Variants in LAMA2 observed in about 807,000 individuals in gnomAD.
LAMA2 encodes laminin subunit alpha 2, also known as laminin subunit alpha-2.
In LAMA2, 269 loss-of-function variants were observed where a neutral mutation model predicts 364.8. The observed-to-expected ratio is 0.74, with a 90% confidence interval of 0.67 to 0.82. The LOEUF is 0.82. Among genes scored for constraint, LAMA2 ranks in the 40% least tolerant of loss-of-function variants. The pLI is 0.00. For missense variants in LAMA2, 3,807 were observed against 3,873.2 expected (o/e 0.98, Z 0.45); for synonymous variants, 1,379 against 1,370.6 (o/e 1.01, Z -0.14).
intron 1 of LAMA2, among the ~76,000 whole-genome samples, chr6:129,015,913 G>A (rs1004153338): frequency 6.6e-6 from 1 of 151,872 alleles, no homozygotes; most frequent in Admixed American, 6.6e-5. Flanking sequence ...GCATCCAACC[G>A]AGAAAAACCA....
chr6:129,204,213 G>A (rs576860242), intron 12 of LAMA2, among the ~76,000 whole-genome samples: 83 of 152,262 alleles, frequency 5.5e-4, no homozygotes, highest in African/African-American at 1.8e-3. Context: ...TGAAATACCC[G>A]CAGAGTGTTT....
rs527681637 is a variant in LAMA2 at position 129,320,660 on chromosome 6, G to T, written c.4176+5G>T. 6.7e-7 allele frequency: 1 copy of T among 1,496,426 alleles called. No homozygotes were observed. Among genetic ancestry groups the T allele is most frequent in the Middle Eastern group, 1.7e-4 (1 of 5,856 alleles). The allele number at this position is 1,496,426 out of a possible 1,614,324, so 92.7% of individuals were successfully genotyped here. A position where few individuals can be genotyped will look rare whatever the true frequency, so the allele number is the denominator to read the frequency against. The stretch of plus-strand genomic sequence containing the variant: ...TATTCTGGCCTGTCCTGTGAGGTAA[G>T]CTACCTCCTACTAACCTGCTTAATC... On this transcript the variant is annotated splice_donor_5th_base_variant and intron_variant, in intron 28 of 64. Transcript: ENST00000421865.
Position 129,448,279 on chromosome 6 carries a change from T to TC in LAMA2, c.6429+2466dup, listed in dbSNP as rs201985406. 5.4e-4 allele frequency among the ~76,000 whole-genome samples: 78 copies of TC among 144,548 alleles called. No individual in the cohort carries two copies. The Middle Eastern group carries it at 0.01, about 19-fold the overall frequency. The allele number at this position is 144,548 out of a possible 152,430, so 94.8% of individuals were successfully genotyped here. On this transcript the variant is annotated intron_variant, in intron 45 of 64. Transcript: ENST00000421865. ...GCCTGGGTGGCAAATAGAAACCCTG[T>TC]CCCCCCCCAAAAAAAAAGAGAAGAA...
intron 1 of LAMA2, among the ~76,000 whole-genome samples, chr6:128,945,311 T>C (rs1562857614): frequency 1.3e-5 from 2 of 152,224 alleles, no homozygotes; most frequent in Admixed American, 6.5e-5. Context: ...AAGATGCATT[T>C]GTTGTACCAA....
chr6:129,032,070 G>A (rs970704056), intron 1 of LAMA2, among the ~76,000 whole-genome samples: 3 of 152,050 alleles, frequency 2.0e-5, no homozygotes, highest in African/African-American at 7.2e-5. Context: ...CTCCTGCCTC[G>A]GCCTCCCAAA....
At chr6:129,350,028 A>G (rs1776771211) in intron 31 of LAMA2, among the ~76,000 whole-genome samples, 1 of 152,216 alleles carries the variant, frequency 6.6e-6, no homozygotes, top group African/African-American at 2.4e-5. Context: ...TGGTAAATTA[A>G]GGAGTACAGT....
At chr6:129,389,210 G>A (rs537213911) in intron 35 of LAMA2, among the ~76,000 whole-genome samples, 9 of 152,284 alleles carry the variant, frequency 5.9e-5, no homozygotes, top group South Asian at 4.2e-4. Context: ...CACAGGGCTA[G>A]GAATGGCCAT....
At chr6:129,286,436 G>A (rs1180273806) in intron 18 of LAMA2, among the ~76,000 whole-genome samples, 1 of 148,820 alleles carries the variant, frequency 6.7e-6, no homozygotes, top group Non-Finnish European at 1.5e-5. Flanking sequence ...GCAGTAAGTT[G>A]CATTTTAAAA....
At chr6:128,984,561 AC>A (rs1481789555) in intron 1 of LAMA2, among the ~76,000 whole-genome samples, 1 of 152,146 alleles carries the variant, frequency 6.6e-6, no homozygotes, top group Non-Finnish European at 1.5e-5. Context: ...GTCGTGTCTT[AC>A]CAATTTTGCA....
At chr6:129,130,226 G>A (rs575677419) in intron 4 of LAMA2, among the ~76,000 whole-genome samples, 1 of 152,346 alleles carries the variant, frequency 6.6e-6, no homozygotes, top group East Asian at 1.9e-4. Flanking sequence ...TCATAGGACT[G>A]AGATTTGTCA....
chr6:129,147,036 TC>T lies in LAMA2; in HGVS notation c.899del (p.Pro300GlnfsTer37). Reference sequence around the variant, plus strand: ...GTCATGCCAGGGCTTGTCCACTTGATCCAGCGACAAATGTATGTATATTTAT... The same window carrying T: ...GTCATGCCAGGGCTTGTCCACTTGATCAGCGACAAATGTATGTATATTTAT... ...YGHARACPLDPATNKSRCECE... is the reference protein window; with the variant it reads ...YGHARACPLDXATNKSRCECE... On this transcript the variant is annotated frameshift_variant, in exon 6 of 65. Transcript: ENST00000421865. LOFTEE classifies it high-confidence loss of function. 6.2e-7 allele frequency: 1 copy of T among 1,604,346 alleles called. No individual in the cohort carries two copies. Among genetic ancestry groups the T allele is most frequent in the Non-Finnish European group, 8.5e-7 (1 of 1,171,248 alleles).
chr6:129,160,379 G>A (rs932351681), intron 8 of LAMA2, among the ~76,000 whole-genome samples: 1 of 151,938 alleles, frequency 6.6e-6, no homozygotes, highest in Non-Finnish European at 1.5e-5. Context: ...ATTGGCAATT[G>A]GCAGTTTTAA....
chr6:128,902,445 C>T (rs753395557), intron 1 of LAMA2, among the ~76,000 whole-genome samples: 3 of 152,102 alleles, frequency 2.0e-5, no homozygotes, highest in Non-Finnish European at 4.4e-5. Flanking sequence ...CTCACACTCT[C>T]AGCATATAAA....
intron 29 of LAMA2, among the ~76,000 whole-genome samples, chr6:129,338,988 G>C (rs1427008503): frequency 6.6e-6 from 1 of 151,796 alleles, no homozygotes; most frequent in Non-Finnish European, 1.5e-5. Context: ...GGGGTGGCAG[G>C]TAATGAAGCT....
At chr6:129,304,772 T>C (rs1251094273) in intron 22 of LAMA2, among the ~76,000 whole-genome samples, 1 of 152,232 alleles carries the variant, frequency 6.6e-6, no homozygotes, top group African/African-American at 2.4e-5. Context: ...ATTTGGGGAA[T>C]TTTCAAGGTA....
intron 1 of LAMA2, among the ~76,000 whole-genome samples, chr6:128,941,715 TATG>T (rs1780172508): frequency 6.6e-6 from 1 of 152,088 alleles, no homozygotes; most frequent in African/African-American, 2.4e-5. Flanking sequence ...AAGTGAGAAA[TATG>T]ATGATGATTT....
intron 45 of LAMA2, among the ~76,000 whole-genome samples, chr6:129,446,274 T>A (rs1010217369): frequency 1.4e-4 from 21 of 151,794 alleles, no homozygotes; most frequent in Admixed American, 1.2e-3. Flanking sequence ...TATATTCTTT[T>A]GTCTGGTATA....
rs546988621 is a variant in LAMA2 at position 129,245,905 on chromosome 6, T to A, written c.1783-4207T>A. Among the ~76,000 whole-genome samples, 86 of 152,226 alleles carry A rather than the reference T, an allele frequency of 5.6e-4. 3 individuals carry two copies. In the South Asian group the frequency reaches 0.017, roughly 31 times the overall value. On this transcript the variant is annotated intron_variant, in intron 12 of 64. Transcript: ENST00000421865. ...TGGATAAATATAAAAAGAGGCTAGA[T>A]CAGACATACCCAGACATTCTCAGTT...
At chr6:129,492,819 A>C (rs935277363) in intron 58 of LAMA2, among the ~76,000 whole-genome samples, 2 of 152,192 alleles carry the variant, frequency 1.3e-5, no homozygotes, top group Non-Finnish European at 2.9e-5. Flanking sequence ...CCTTGTATAC[A>C]ATTTGGTGTC....
Sources: gnomAD v4.1 joint callset for allele counts (sites outside exome capture counted in the v4.1 genomes callset) on GRCh38, gnomAD v4.1.1 for gene constraint, MANE v1.5 for transcripts, NCBI Gene and HGNC (gene_info 2026-07-23, HGNC 2026-07-21) for gene names.